SFPQ: variants seen among roughly 807,000 people sequenced by gnomAD.
SFPQ encodes splicing factor proline and glutamine rich, also known as splicing factor, proline- and glutamine-rich.
A neutral mutation model predicts 72.9 loss-of-function variants in SFPQ; 11 were observed. The observed-to-expected ratio is 0.15, with a 90% CI of 0.09 to 0.25. The LOEUF is 0.25. SFPQ is among the 10% of genes least tolerant of loss of function. SFPQ has a pLI of 1.00. For missense variants in SFPQ, 847 were observed against 993.3 expected (o/e 0.85, Z 1.98); for synonymous variants, 506 against 367.3 (o/e 1.38, Z -4.32).
intron 4 of SFPQ, among the ~76,000 whole-genome samples, chr1:35,189,934 A>T (rs1639912368): frequency 6.6e-6 from 1 of 150,886 alleles, no homozygotes; most frequent in African/African-American, 2.4e-5. Flanking sequence ...CTGGGAAACA[A>T]CAGCGAAACT....
chr1:35,183,858 C>T lies in SFPQ; in HGVS notation c.*598G>A. ...ATATTCCTGAAGATTTACAGTTCAGCTTTGCTTACATAACCATTTAAAAAA... is the reference window on the plus strand; with the variant it reads ...ATATTCCTGAAGATTTACAGTTCAGTTTTGCTTACATAACCATTTAAAAAA... On this transcript the variant is annotated 3_prime_UTR_variant, in exon 10 of 10. Coordinates refer to ENST00000357214, the MANE Select transcript of SFPQ (RefSeq NM_005066.3). 2 of 1,054,692 alleles carry T rather than the reference C, an allele frequency of 1.9e-6. No homozygotes were observed. Among genetic ancestry groups the T allele is most frequent in the Non-Finnish European group, 2.3e-6 (2 of 872,520 alleles). 65.3% of individuals were successfully genotyped at this position (1,054,692 alleles called of 1,614,324 possible).
At chr1:35,178,230 G>C (rs1639327504), downstream of SFPQ, 1 of 1,101,270 alleles carries the variant, frequency 9.1e-7, no homozygotes, top group Non-Finnish European at 1.1e-6. Context: ...AAAATAAGTA[G>C]ACACCTGAAT....
downstream of SFPQ, chr1:35,179,805 C>G (rs1363560219): frequency 9.5e-7 from 1 of 1,053,944 alleles, no homozygotes; most frequent in Non-Finnish European, 1.1e-6. Context: ...AGAAATAGAC[C>G]TGAGTTTTTA....
In SFPQ at chr1:35,186,909, C is replaced by T. The variant is rs547719883; in HGVS notation, c.1986+92G>A. The T allele has an allele frequency of 7.7e-4, 1,010 of 1,308,286 alleles. 1 individual carries two copies. Among genetic ancestry groups the T allele is most frequent in the Non-Finnish European group, 1.0e-3 (951 of 945,938 alleles). 81.0% of individuals were successfully genotyped at this position (1,308,286 alleles called of 1,614,324 possible). A position where few individuals can be genotyped will look rare whatever the true frequency, so the allele number is the denominator to read the frequency against. On this transcript the variant is annotated intron_variant, in intron 9 of 9. Transcript: ENST00000357214. ...GGGGAAACTAAAAGAGGTCCAGTCA[C>T]CTACTTAAAAAAACAAAACAAAACA...
At chr1:35,187,477 T>C (rs1454115901) in intron 7 of SFPQ, among the ~76,000 whole-genome samples, 1 of 152,200 alleles carries the variant, frequency 6.6e-6, no homozygotes, top group Non-Finnish European at 1.5e-5. Context: ...ACGCCTGTAA[T>C]CACAGCACTT....
At chr1:35,186,902 C>A in intron 9 of SFPQ, 99 bp downstream of exon 9, 1 of 1,202,440 alleles carries the variant, frequency 8.3e-7, no homozygotes. Flanking sequence ...TAAAAGAGGT[C>A]CAGTCACCTA....
chr1:35,189,009 T>C lies in SFPQ; in HGVS notation c.1691A>G (p.Gln564Arg). The part of the protein sequence containing the change: ...NQEMQKRKEM[Q>R]LRQEEERRRR... ...ACCTTAAACACAATTTTACCTCAAT[T>C]GCATTTCTTTACGTTTCTGCATTTC... Residue 564 changes from glutamine to arginine, a missense_variant, in exon 6 of 10, where the codon CAA becomes CGA. Coordinates refer to ENST00000357214, the MANE Select transcript of SFPQ (RefSeq NM_005066.3). 1 of 1,610,226 alleles carries C rather than the reference T, an allele frequency of 6.2e-7. No homozygotes were observed. Among genetic ancestry groups the C allele is most frequent in the Non-Finnish European group, 8.5e-7 (1 of 1,178,106 alleles).
chr1:35,179,805 C>A, downstream of SFPQ: 3 of 1,054,062 alleles, frequency 2.8e-6, no homozygotes, highest in Non-Finnish European at 2.3e-6. Context: ...AGAAATAGAC[C>A]TGAGTTTTTA....
rs1640060584 is a variant in SFPQ, at chr1:35,192,349, G to A, written c.701C>T (p.Pro234Leu). The A allele has an allele frequency of 2.2e-6, 3 of 1,388,858 alleles. No individual in the cohort carries two copies. Among genetic ancestry groups the A allele is most frequent in the South Asian group, 3.2e-5 (2 of 61,926 alleles). The allele number at this position is 1,388,858 out of a possible 1,614,324, so 86.0% of individuals were successfully genotyped here. A position where few individuals can be genotyped will look rare whatever the true frequency, so the allele number is the denominator to read the frequency against. ...GCGGGGCTCCCCGCCGCCTCGATGC[G>A]GCGGCTTGGGGTGGCCGCCAGGCGT... ...LSTPGGHPKPPHRGGGEPRGG... is the reference protein window; with the variant it reads ...LSTPGGHPKPLHRGGGEPRGG... Residue 234 changes from proline to leucine, a missense_variant, in exon 1 of 10, where the codon CCG becomes CTG. Physicochemically the swap from Pro to Leu is moderately conservative, Grantham distance 98. Around this residue, in one of 6 missense-constraint regions of SFPQ, gnomAD observed 498 missense variants for 405.1 expected, o/e 1.23. Transcript: ENST00000357214.
At chr1:35,179,870 G>A (rs191034327), downstream of SFPQ, 1 of 1,053,956 alleles carries the variant, frequency 9.5e-7, no homozygotes, top group East Asian at 5.4e-5. Context: ...CCGATTTAAT[G>A]GATTACGACA....
At chr1:35,178,905 T>C (rs967289037), downstream of SFPQ, 15 of 1,048,240 alleles carry the variant, frequency 1.4e-5, no homozygotes, top group Admixed American at 5.5e-5. Context: ...AAAAAAATAT[T>C]TTTTTCAGCA....
rs1221679478 is a variant in SFPQ, at chr1:35,187,246, T to C, written c.1821A>G (p.Glu607=). ...YSRMGYMDPR[E]RDMRMGGGGA... ...CTCCGCCACCCATTCGCATGTCTCT[T>C]TCCCGCTGCAAGAAAAAAATTCCTT... Residue 607 remains glutamate (E), a synonymous_variant, in exon 8 of 10, where the codon GAA becomes GAG. Coordinates refer to ENST00000357214, the MANE Select transcript of SFPQ (RefSeq NM_005066.3). 2 of 1,614,060 alleles carry C rather than the reference T, an allele frequency of 1.2e-6. No homozygotes were observed. The highest frequency in any genetic ancestry group is 1.7e-6 in the Non-Finnish European group (2 of 1,180,014).
chr1:35,189,260 TTCA>T lies in SFPQ; in HGVS notation c.1535_1537del (p.Met512del), dbSNP rs770247366. 1 of 1,613,704 alleles carries T rather than the reference TTCA, an allele frequency of 6.2e-7. No homozygotes were observed. The highest frequency in any genetic ancestry group is 8.5e-7 in the Non-Finnish European group (1 of 1,179,570). Reference sequence around the variant, plus strand: ...ACTTTCCAATTTGTCTTTTGCATCTTTCATGTTTTTTTCAACTTGTTCCCTTTG... The same window carrying T: ...ACTTTCCAATTTGTCTTTTGCATCTTTGTTTTTTTCAACTTGTTCCCTTTG... On this transcript the variant is annotated inframe_deletion, in exon 5 of 10. Coordinates refer to ENST00000357214, the MANE Select transcript of SFPQ (RefSeq NM_005066.3).
chr1:35,179,303 T>A, downstream of SFPQ: 1 of 1,058,900 alleles, frequency 9.4e-7, no homozygotes, highest in Non-Finnish European at 1.1e-6. Flanking sequence ...CATCTCTTTA[T>A]TGGGGAAAAG....
intron 2 of SFPQ, 89 bp downstream of exon 2, chr1:35,191,252 A>T (rs916847818): frequency 2.5e-5 from 27 of 1,091,924 alleles, no homozygotes; most frequent in Non-Finnish European, 3.5e-5. Context: ...TATCCTCCCC[A>T]GTTTAAAAAC....
chr1:35,189,938 C>G (rs1465397074), intron 4 of SFPQ, among the ~76,000 whole-genome samples: 1 of 151,612 alleles, frequency 6.6e-6, no homozygotes, highest in African/African-American at 2.4e-5. Context: ...GAAACAACAG[C>G]GAAACTCCAG....
At chr1:35,182,170 CA>C, downstream of SFPQ, 1 of 985,282 alleles carries the variant, frequency 1.0e-6, no homozygotes, top group South Asian at 4.7e-5. Context: ...GACCAGCCCC[CA>C]CCCACACACA....
Position 35,189,397 on chromosome 1 carries a change from A to G in SFPQ, c.1416-15T>C. 6.2e-7 allele frequency: 1 copy of G among 1,602,312 alleles called. No homozygotes were observed. Among genetic ancestry groups the G allele is most frequent in the South Asian group, 1.1e-5 (1 of 90,504 alleles). On this transcript the variant is annotated splice_polypyrimidine_tract_variant and intron_variant, in intron 4 of 9. Transcript: ENST00000357214. ...TTTCTCTCTCCCTAACAATACACAA[A>G]ATTTTAACATGAACCGATTTGTGAA... is the stretch of plus-strand genomic sequence containing the variant.
At chr1:35,184,619 A>G in intron 9 of SFPQ, 26 bp from the exon 10 acceptor site, 1 of 1,530,532 alleles carries the variant, frequency 6.5e-7, no homozygotes, top group South Asian at 1.3e-5. Context: ...TTAACAGTTC[A>G]TTATAAGTAG....
Sources: allele counts gnomAD v4.1 joint callset (sites outside exome capture counted in the v4.1 genomes callset), GRCh38; gene constraint gnomAD v4.1.1; regional missense constraint gnomAD v4.1.1; transcripts MANE v1.5; gene names NCBI Gene and HGNC (gene_info 2026-07-23, HGNC 2026-07-21).